Variants in JAK1 observed in about 807,000 individuals in gnomAD.
JAK1 encodes the protein tyrosine-protein kinase JAK1.
In JAK1, 16 loss-of-function variants were observed where a neutral mutation model predicts 136.6. The observed-to-expected ratio is 0.12, with a 90% CI of 0.08 to 0.18. The LOEUF (loss-of-function observed/expected upper bound fraction) is 0.18, where lower values mean the gene tolerates loss of function less well. Among genes scored for constraint, JAK1 ranks in the 10% least tolerant of loss-of-function variants. The pLI, the probability that JAK1 is intolerant of heterozygous loss-of-function variation, is 1.00. For missense variants in JAK1, 859 were observed against 1,450.1 expected, an observed-to-expected ratio of 0.59 and a Z score of 6.62; for synonymous variants, 492 against 519.5, an observed-to-expected ratio of 0.95 and a Z score of 0.72.
rs554046469 is a variant in JAK1 at position 64,855,551 on chromosome 1, T to C, written c.1606A>G (p.Ile536Val). The change falls in exon 11 of 25, where the codon ATC becomes GTC. Residue 536 changes from isoleucine to valine, a missense_variant. By Grantham distance (29) the Ile-to-Val change is conservative (BLOSUM62 3). Coordinates refer to ENST00000342505, the MANE Select transcript of JAK1 (RefSeq NM_002227.4). Reference protein sequence around the residue: ...LKKQILRTDNISFMLKRCCQP... With the variant: ...LKKQILRTDNVSFMLKRCCQP... ...CAGCAGCGTTTTAGCATGAAGCTGATGTTATCCGTGCGCAGGATCTGCTTC... is the reference window on the plus strand; with the variant it reads ...CAGCAGCGTTTTAGCATGAAGCTGACGTTATCCGTGCGCAGGATCTGCTTC... The C allele has an allele frequency of 5.0e-6, 8 of 1,614,142 alleles. No homozygotes were observed. In the South Asian group the frequency reaches 8.8e-5, roughly 18 times the overall value.
chr1:64,842,204 G>T (rs898856375), intron 17 of JAK1, among the ~76,000 whole-genome samples: 4 of 151,994 alleles, frequency 2.6e-5, no homozygotes, highest in African/African-American at 9.7e-5. Flanking sequence ...AAAAAAGAGA[G>T]ATACAAACAG....
intron 13 of JAK1, 59 bp from the exon 14 acceptor site, chr1:64,846,795 G>A (rs1225944624): frequency 7.2e-7 from 1 of 1,379,916 alleles, no homozygotes; most frequent in Non-Finnish European, 1.0e-6. Context: ...CTGCTCCCCA[G>A]GGGCTCTGTT....
chr1:64,925,305 G>A (rs887903585), intron 1 of JAK1, among the ~76,000 whole-genome samples: 5 of 151,818 alleles, frequency 3.3e-5, no homozygotes, highest in South Asian at 4.2e-4. Flanking sequence ...CTACTTAGGA[G>A]TCTGAGGCAG....
At chr1:65,044,403 T>A (rs1353692945) in intron 2 of JAK1, among the ~76,000 whole-genome samples, 2 of 152,226 alleles carry the variant, frequency 1.3e-5, no homozygotes, top group Non-Finnish European at 2.9e-5. Context: ...GAGCTTATTG[T>A]CTACCTTAGA....
At chr1:65,040,470 G>A (rs1647120546) in intron 2 of JAK1, among the ~76,000 whole-genome samples, 1 of 152,122 alleles carries the variant, frequency 6.6e-6, no homozygotes, top group Non-Finnish European at 1.5e-5. Context: ...GTAATCCATA[G>A]TAATCTCTCG....
At chr1:64,985,558 AC>A (rs1646590708) in intron 2 of JAK1, 5 of 1,185,820 alleles carry the variant, frequency 4.2e-6, no homozygotes, top group African/African-American at 1.5e-5. Flanking sequence ...AGGTCTTCAG[AC>A]CCCAGGATGA....
At chr1:64,951,804 G>A (rs1177299066) in intron 1 of JAK1, among the ~76,000 whole-genome samples, 11 of 151,880 alleles carry the variant, frequency 7.2e-5, no homozygotes, top group African/African-American at 2.2e-4. Flanking sequence ...GACTACAGGC[G>A]CCCGCCACCA....
At chr1:65,004,392 G>A (rs1046287474) in intron 2 of JAK1, among the ~76,000 whole-genome samples, 17 of 152,186 alleles carry the variant, frequency 1.1e-4, no homozygotes, top group African/African-American at 2.9e-4. Context: ...GGTGTTTGGT[G>A]CTCTGCATAG....
chr1:65,013,103 A>AAG (rs1428589270), intron 2 of JAK1, among the ~76,000 whole-genome samples: 10 of 149,046 alleles, frequency 6.7e-5, no homozygotes, highest in African/African-American at 2.2e-4. Flanking sequence ...CTCAAAAAAA[A>AAG]AAAAAAAAAA....
At chr1:64,855,737 G>A (rs1291884110) in intron 10 of JAK1, 39 bp from the exon 11 acceptor site, 2 of 1,578,544 alleles carry the variant, frequency 1.3e-6, no homozygotes, top group South Asian at 2.2e-5. Context: ...GTTTAAAATG[G>A]GGTCAGGCAT....
chr1:64,868,289 C>T (rs1026100709), intron 6 of JAK1, among the ~76,000 whole-genome samples: 7 of 152,032 alleles, frequency 4.6e-5, no homozygotes, highest in East Asian at 1.9e-4. Flanking sequence ...GGGCCAAATG[C>T]GGAGACTGAT....
chr1:64,878,559 GTGTATATATATATATA>G (rs1479344444), intron 4 of JAK1, among the ~76,000 whole-genome samples: 27 of 79,258 alleles, frequency 3.4e-4, no homozygotes, highest in African/African-American at 9.8e-4. Context: ...TATATATAGT[GTGTATATATATATATA>G]TATATATATA....
At chr1:65,013,408 CA>C (rs1030014594) in intron 2 of JAK1, among the ~76,000 whole-genome samples, 1 of 146,160 alleles carries the variant, frequency 6.8e-6, no homozygotes, top group African/African-American at 2.5e-5. Context: ...AAAAAAAAAA[CA>C]AAAAAAACAA....
intron 2 of JAK1, among the ~76,000 whole-genome samples, chr1:65,030,991 A>G (rs1031994378): frequency 1.3e-5 from 2 of 151,934 alleles, no homozygotes; most frequent in African/African-American, 2.4e-5. Flanking sequence ...CCATCTCTAC[A>G]AAAAATACAA....
At chr1:64,891,491 C>A (rs1476134080) in intron 1 of JAK1, among the ~76,000 whole-genome samples, 1 of 152,206 alleles carries the variant, frequency 6.6e-6, no homozygotes, top group East Asian at 1.9e-4. Flanking sequence ...TGTGTTCCTG[C>A]CCACTACTAA....
chr1:65,001,800 C>T (rs1436514764), intron 2 of JAK1, among the ~76,000 whole-genome samples: 1 of 151,434 alleles, frequency 6.6e-6, no homozygotes, highest in Non-Finnish European at 1.5e-5. Context: ...GTAGCAGGAA[C>T]CCTAGCTTGG....
At chr1:65,013,929 A>G (rs966862419) in intron 2 of JAK1, among the ~76,000 whole-genome samples, 1 of 152,218 alleles carries the variant, frequency 6.6e-6, no homozygotes, top group Non-Finnish European at 1.5e-5. Flanking sequence ...TATCTTCAAG[A>G]TACTGGAAAC....
chr1:64,944,431 A>G (rs571330826), intron 1 of JAK1, among the ~76,000 whole-genome samples: 6 of 152,164 alleles, frequency 3.9e-5, no homozygotes, highest in Non-Finnish European at 5.9e-5. Flanking sequence ...CTTTTGACCT[A>G]GAAGTTCTAA....
chr1:64,886,787 CACACAG>C (rs1311849170), intron 1 of JAK1, among the ~76,000 whole-genome samples: 257 of 110,172 alleles, frequency 2.3e-3, no homozygotes, highest in African/African-American at 8.3e-3. Context: ...CACACACACA[CACACAG>C]AGCTTTGTAT....
Sources: allele counts gnomAD v4.1 joint callset (sites outside exome capture counted in the v4.1 genomes callset), GRCh38; gene constraint gnomAD v4.1.1; transcripts MANE v1.5; gene names NCBI Gene and HGNC (gene_info 2026-07-23, HGNC 2026-07-21).